Variants in MIPOL1 observed in about 807,000 individuals in gnomAD.
MIPOL1 encodes the protein mirror-image polydactyly gene 1 protein.
In MIPOL1, 57 loss-of-function variants were observed where a neutral mutation model predicts 60.9. That is an observed-to-expected ratio of 0.94 (90% CI 0.76 to 1.17). The LOEUF is 1.17. Ranked by LOEUF, MIPOL1 falls within the 50% of genes most tolerant of loss-of-function variation. The pLI is 0.00. For missense variants in MIPOL1, 551 were observed against 511.6 expected (o/e 1.08, Z -0.74); for synonymous variants, 179 against 168.8 (o/e 1.06, Z -0.47).
intron 10 of MIPOL1, among the ~76,000 whole-genome samples, chr14:37,371,583 A>C (rs1277014093): frequency 6.6e-6 from 1 of 152,120 alleles, no homozygotes; most frequent in Non-Finnish European, 1.5e-5. Context: ...GGAAGAATTA[A>C]TTTTTTAAAA....
intron 10 of MIPOL1, among the ~76,000 whole-genome samples, chr14:37,381,629 C>T (rs1033946040): frequency 1.3e-5 from 2 of 151,842 alleles, no homozygotes; most frequent in Non-Finnish European, 2.9e-5. Flanking sequence ...GTCACCCAGG[C>T]TGGAGTGCAG....
chr14:37,384,861 T>A (rs2093023724), intron 10 of MIPOL1, among the ~76,000 whole-genome samples: 1 of 152,012 alleles, frequency 6.6e-6, no homozygotes, highest in South Asian at 2.1e-4. Flanking sequence ...GTTTGAAAAT[T>A]GATTCCATAT....
chr14:37,216,189 A>G (rs764375309), intron 1 of MIPOL1, among the ~76,000 whole-genome samples: 2 of 152,188 alleles, frequency 1.3e-5, no homozygotes, highest in Admixed American at 6.5e-5. Flanking sequence ...AAAAGAGACA[A>G]TGTCACTATA....
chr14:37,419,388 G>A (rs1260412712), intron 10 of MIPOL1, among the ~76,000 whole-genome samples: 4 of 152,062 alleles, frequency 2.6e-5, no homozygotes, highest in Non-Finnish European at 5.9e-5. Flanking sequence ...GACCATTTGG[G>A]GGTAACAAGA....
intron 11 of MIPOL1, among the ~76,000 whole-genome samples, chr14:37,463,871 G>A (rs917797260): frequency 2.0e-5 from 3 of 151,982 alleles, no homozygotes; most frequent in African/African-American, 7.2e-5. Context: ...TTGAACAAAG[G>A]ACTAACACCA....
At chr14:37,273,430 T>A in intron 6 of MIPOL1, among the ~76,000 whole-genome samples, 1 of 151,276 alleles carries the variant, frequency 6.6e-6, no homozygotes, top group East Asian at 1.9e-4. Context: ...ACATAAAGAC[T>A]CTATGGTTTT....
At chr14:37,238,186 T>C (rs1971783639) in intron 1 of MIPOL1, among the ~76,000 whole-genome samples, 1 of 152,224 alleles carries the variant, frequency 6.6e-6, no homozygotes, top group Non-Finnish European at 1.5e-5. Flanking sequence ...GTATATTCTC[T>C]TTTATTTTGC....
rs2084206491 is a variant in MIPOL1 at position 37,282,592 on chromosome 14, T to C, written c.494-2726T>C. On this transcript the variant is annotated intron_variant, in intron 6 of 12. Transcript: ENST00000684589. ...TTGTCTCTACAAAAAAATAAAAATT[T>C]GGTAGGCCAAGGTGGGAGAATCACT... Among the ~76,000 whole-genome samples the C allele has an allele frequency of 2.0e-5, 3 of 151,630 alleles. No individual in the cohort carries two copies. The South Asian group carries it at 6.3e-4, about 32-fold the overall frequency.
chr14:37,231,076 T>C (rs1453561749), intron 1 of MIPOL1, among the ~76,000 whole-genome samples: 1 of 152,016 alleles, frequency 6.6e-6, no homozygotes, highest in Non-Finnish European at 1.5e-5. Context: ...ACCAAGAAAA[T>C]GTAAAAGATT....
chr14:37,420,536 T>C (rs989805541), intron 10 of MIPOL1, among the ~76,000 whole-genome samples: 4 of 152,132 alleles, frequency 2.6e-5, no homozygotes, highest in African/African-American at 9.7e-5. Flanking sequence ...GATATAAATA[T>C]CAATCTAGGA....
At chr14:37,395,152 G>T (rs904671476) in intron 10 of MIPOL1, among the ~76,000 whole-genome samples, 6 of 152,146 alleles carry the variant, frequency 3.9e-5, no homozygotes, top group Non-Finnish European at 5.9e-5. Flanking sequence ...TGCTGTTTTG[G>T]TGATGATAGC....
At chr14:37,354,036 G>A (rs1207037640) in intron 9 of MIPOL1, among the ~76,000 whole-genome samples, 2 of 150,264 alleles carry the variant, frequency 1.3e-5, no homozygotes, top group East Asian at 4.0e-4. Context: ...TTTCTCTTGT[G>A]GGCATTTAGT....
intron 3 of MIPOL1, among the ~76,000 whole-genome samples, chr14:37,256,814 C>G (rs939523443): frequency 1.3e-5 from 2 of 151,632 alleles, no homozygotes; most frequent in Non-Finnish European, 2.9e-5. Context: ...CTATATTGAC[C>G]CTTTATTATT....
At chr14:37,221,943 A>G (rs1215013039) in intron 1 of MIPOL1, among the ~76,000 whole-genome samples, 1 of 124,246 alleles carries the variant, frequency 8.0e-6, no homozygotes, top group Non-Finnish European at 1.6e-5. Context: ...GCATAAACTC[A>G]AAAGTCCAAA....
chr14:37,248,642 A>T (rs8013855), intron 3 of MIPOL1, among the ~76,000 whole-genome samples: 1 of 151,476 alleles, frequency 6.6e-6, no homozygotes, highest in East Asian at 2.0e-4. Context: ...CTATATATAT[A>T]TCTCTCTCTC....
Position 37,320,817 on chromosome 14 carries a change from C to G in MIPOL1, c.828+12298C>G, listed in dbSNP as rs535299836. 2.6e-5 allele frequency among the ~76,000 whole-genome samples: 4 copies of G among 152,132 alleles called. No individual in the cohort carries two copies. The South Asian group carries it at 6.2e-4, about 24-fold the overall frequency. On this transcript the variant is annotated intron_variant, in intron 9 of 12. Coordinates refer to ENST00000684589, the MANE Select transcript of MIPOL1 (RefSeq NM_001388067.1). ...TATTTTCTTCATATAGATGCCTAGT[C>G]AACTTGTCTCAGCATCATGCAATTA...
intron 11 of MIPOL1, among the ~76,000 whole-genome samples, chr14:37,480,968 G>A (rs536487682): frequency 2.0e-5 from 3 of 151,966 alleles, no homozygotes; most frequent in Non-Finnish European, 4.4e-5. Context: ...GTGAGACTTC[G>A]TCTCTATTTA....
intron 6 of MIPOL1, among the ~76,000 whole-genome samples, chr14:37,284,942 C>A (rs953825209): frequency 1.3e-5 from 2 of 151,964 alleles, no homozygotes; most frequent in Non-Finnish European, 2.9e-5. Context: ...GGCTATATAC[C>A]AAAGAGGGGA....
chr14:37,360,584 G>C (rs2092167137), intron 9 of MIPOL1, among the ~76,000 whole-genome samples: 1 of 152,158 alleles, frequency 6.6e-6, no homozygotes, highest in African/African-American at 2.4e-5. Flanking sequence ...ATTTCTTCTA[G>C]ATTTTCTAGT....
Sources: allele counts gnomAD v4.1 joint callset (sites outside exome capture counted in the v4.1 genomes callset), GRCh38; gene constraint gnomAD v4.1.1; transcripts MANE v1.5; gene names NCBI Gene and HGNC (gene_info 2026-07-23, HGNC 2026-07-21).